Variants in NELL2 observed in about 807,000 individuals in gnomAD.
NELL2 encodes the protein protein kinase C-binding protein NELL2.
NELL2 carries 41 observed loss-of-function variants against 109.6 expected under a neutral mutation model. The observed-to-expected ratio is 0.37, with a 90% CI of 0.29 to 0.49. The LOEUF (loss-of-function observed/expected upper bound fraction) is 0.49. NELL2 is among the 20% of genes least tolerant of loss of function. The pLI is 0.98. For missense variants in NELL2, 900 were observed against 1,008.3 expected (o/e 0.89, Z 1.45); for synonymous variants, 355 against 344.7 (o/e 1.03, Z -0.33).
chr12:44,747,721 C>G (rs987059373), intron 9 of NELL2, among the ~76,000 whole-genome samples: 2 of 152,064 alleles, frequency 1.3e-5, no homozygotes, highest in African/African-American at 4.8e-5. Context: ...AGTAATGGAT[C>G]AGTTTTATCT....
At chr12:44,586,801 T>C (rs1944523897) in intron 15 of NELL2, among the ~76,000 whole-genome samples, 1 of 152,212 alleles carries the variant, frequency 6.6e-6, no homozygotes, top group African/African-American at 2.4e-5. Flanking sequence ...GAGATTGGAA[T>C]AGACTCTACA....
At chr12:44,614,965 A>C (rs1945765913) in intron 13 of NELL2, among the ~76,000 whole-genome samples, 1 of 152,132 alleles carries the variant, frequency 6.6e-6, no homozygotes, top group Admixed American at 6.5e-5. Context: ...TCAATTTAGT[A>C]CATTTTTCTT....
chr12:44,625,356 A>C (rs1261397174), intron 13 of NELL2, among the ~76,000 whole-genome samples: 6 of 152,116 alleles, frequency 3.9e-5, no homozygotes, highest in Non-Finnish European at 7.4e-5. Flanking sequence ...TGGCCCCACC[A>C]TAATGGCATC....
intron 9 of NELL2, among the ~76,000 whole-genome samples, chr12:44,764,117 G>A (rs1001813565): frequency 6.6e-6 from 1 of 152,088 alleles, no homozygotes; most frequent in Non-Finnish European, 1.5e-5. Flanking sequence ...TTTTCAAAAA[G>A]CTTTTGGGAC....
At chr12:44,846,189 C>T (rs1489462707) in intron 2 of NELL2, among the ~76,000 whole-genome samples, 1 of 152,192 alleles carries the variant, frequency 6.6e-6, no homozygotes, top group Non-Finnish European at 1.5e-5. Context: ...AAAATGTTCA[C>T]ATAGCATCTG....
rs558080928 is a variant in NELL2 at position 44,823,463 on chromosome 12, TTCCACGTACAA to T, written c.185-7338_185-7328del. On this transcript the variant is annotated intron_variant, in intron 2 of 19. Coordinates refer to ENST00000429094, the MANE Select transcript of NELL2 (RefSeq NM_001145108.2). The stretch of plus-strand genomic sequence containing the variant: ...CTTCTATGAATTCAATGTTTTTAAA[TTCCACGTACAA>T]TGAGATCATGCGGTATTCATCTGTC... Among the ~76,000 whole-genome samples, 197 of 152,320 alleles carry T rather than the reference TTCCACGTACAA, an allele frequency of 1.3e-3. 1 individual carries two copies. The highest frequency in any genetic ancestry group is 4.6e-3 in the African/African-American group (190 of 41,570).
At chr12:44,701,237 A>G (rs1459611437) in intron 12 of NELL2, among the ~76,000 whole-genome samples, 1 of 152,034 alleles carries the variant, frequency 6.6e-6, no homozygotes, top group Non-Finnish European at 1.5e-5. Context: ...ATAAATAACA[A>G]AAGATATATT....
chr12:44,536,994 C>G (rs906635497), intron 15 of NELL2, among the ~76,000 whole-genome samples: 3 of 33,982 alleles, frequency 8.8e-5, no homozygotes, highest in Non-Finnish European at 1.3e-4. Context: ...AACAGGCAAA[C>G]AAAACAAAAC....
At chr12:44,802,057 T>C (rs1420868176) in intron 3 of NELL2, among the ~76,000 whole-genome samples, 2 of 152,100 alleles carry the variant, frequency 1.3e-5, no homozygotes, top group Non-Finnish European at 2.9e-5. Flanking sequence ...TCACAAGGCA[T>C]GTTTGTACCG....
At chr12:44,646,671 G>A (rs1394118398) in intron 13 of NELL2, among the ~76,000 whole-genome samples, 3 of 152,150 alleles carry the variant, frequency 2.0e-5, no homozygotes, top group Non-Finnish European at 4.4e-5. Flanking sequence ...CATGGAAAGC[G>A]AAACTGTAGA....
At chr12:44,796,433 A>G (rs763269111) in intron 3 of NELL2, among the ~76,000 whole-genome samples, 2 of 152,078 alleles carry the variant, frequency 1.3e-5, no homozygotes, top group East Asian at 3.8e-4. Flanking sequence ...GACACAGACC[A>G]TTTTGTTTTT....
intron 2 of NELL2, among the ~76,000 whole-genome samples, chr12:44,850,531 T>G (rs1944503296): frequency 6.6e-6 from 1 of 152,076 alleles, no homozygotes; most frequent in African/African-American, 2.4e-5. Flanking sequence ...TTTTTGAAGA[T>G]TACAGTCAAT....
At chr12:44,561,363 CAAATAGGA>C in intron 15 of NELL2, among the ~76,000 whole-genome samples, 1 of 152,212 alleles carries the variant, frequency 6.6e-6, no homozygotes, top group East Asian at 1.9e-4. Flanking sequence ...AAAGGGTATT[CAAATAGGA>C]AGAGAGGAAG....
At chr12:44,858,323 G>A (rs1209787605) in intron 2 of NELL2, among the ~76,000 whole-genome samples, 1 of 152,120 alleles carries the variant, frequency 6.6e-6, no homozygotes, top group Non-Finnish European at 1.5e-5. Context: ...CCCTTTGTCT[G>A]GAATACAATG....
chr12:44,826,053 A>G (rs894598887), intron 2 of NELL2, among the ~76,000 whole-genome samples: 2 of 152,128 alleles, frequency 1.3e-5, no homozygotes, highest in African/African-American at 4.8e-5. Flanking sequence ...AAAAAAATAA[A>G]AGAAAGAAAA....
At chr12:44,538,274 A>C (rs146930340) in intron 15 of NELL2, among the ~76,000 whole-genome samples, 1 of 152,302 alleles carries the variant, frequency 6.6e-6, no homozygotes, top group East Asian at 1.9e-4. Context: ...AAGTCAGTGA[A>C]TTGCAGCTCA....
chr12:44,617,691 C>CAAAAAAAAAAAAAAAAAAAAAAA (rs975070930), intron 13 of NELL2, among the ~76,000 whole-genome samples: 7 of 22,370 alleles, frequency 3.1e-4, no homozygotes, highest in East Asian at 1.4e-3. Flanking sequence ...GACTCCGTCT[C>CAAAAAAAAAAAAAAAAAAAAAAA]AAAAAAAAAA....
At chr12:44,641,009 T>A (rs1946835639) in intron 13 of NELL2, among the ~76,000 whole-genome samples, 1 of 152,208 alleles carries the variant, frequency 6.6e-6, no homozygotes, top group Admixed American at 6.5e-5. Context: ...TACAGCTATG[T>A]TCTCTTGGAA....
intron 13 of NELL2, among the ~76,000 whole-genome samples, chr12:44,648,463 C>T (rs971598268): frequency 6.6e-6 from 1 of 151,980 alleles, no homozygotes; most frequent in African/African-American, 2.4e-5. Context: ...TGTAAAAAGA[C>T]ATGAAACTAG....
Sources: allele counts gnomAD v4.1 joint callset (sites outside exome capture counted in the v4.1 genomes callset), GRCh38; gene constraint gnomAD v4.1.1; transcripts MANE v1.5; gene names NCBI Gene and HGNC (gene_info 2026-07-23, HGNC 2026-07-21).